GRIN2A: variants seen among roughly 807,000 people sequenced by gnomAD.
GRIN2A encodes glutamate ionotropic receptor NMDA type subunit 2A.
A neutral mutation model predicts 113.4 loss-of-function variants in GRIN2A; 22 were observed. The observed-to-expected ratio is 0.19, with a 90% CI of 0.14 to 0.28. The LOEUF (loss-of-function observed/expected upper bound fraction) is 0.28, where lower values mean the gene tolerates loss of function less well. GRIN2A is among the 10% of genes least tolerant of loss of function. The pLI is 1.00. For synonymous variants in GRIN2A, 827 were observed against 738.4 expected, an observed-to-expected ratio of 1.12 and a Z score of -1.94; for missense variants, 1,502 against 1,887.0, an observed-to-expected ratio of 0.80 and a Z score of 3.78.
chr16:9,951,671 A>C (rs2045185272), intron 2 of GRIN2A, among the ~76,000 whole-genome samples: 1 of 152,204 alleles, frequency 6.6e-6, no homozygotes, highest in African/African-American at 2.4e-5. Flanking sequence ...TTAACAGAAA[A>C]AAATGATGGT....
At chr16:10,000,102 T>C (rs76485778) in intron 2 of GRIN2A, among the ~76,000 whole-genome samples, 5 of 152,282 alleles carry the variant, frequency 3.3e-5, no homozygotes, top group Admixed American at 2.6e-4. Context: ...TCCTGCCTCC[T>C]TTCTTCCCTT....
intron 2 of GRIN2A, among the ~76,000 whole-genome samples, chr16:10,150,175 C>T (rs2049537839): frequency 6.6e-6 from 1 of 152,228 alleles, no homozygotes. Flanking sequence ...AGTTAGGTTG[C>T]AGTTCACTAC....
intron 4 of GRIN2A, among the ~76,000 whole-genome samples, chr16:9,865,036 C>T (rs2043139595): frequency 6.6e-6 from 1 of 152,154 alleles, no homozygotes; most frequent in Non-Finnish European, 1.5e-5. Context: ...TTTTGACAAT[C>T]ATTTTTCTTT....
At chr16:9,772,329 G>C (rs11644075) in intron 11 of GRIN2A, among the ~76,000 whole-genome samples, 1 of 152,034 alleles carries the variant, frequency 6.6e-6, no homozygotes, top group African/African-American at 2.4e-5. Flanking sequence ...CATCCCTTTG[G>C]AAATACAATG....
At chr16:10,130,829 T>TG (rs2049046515) in intron 2 of GRIN2A, among the ~76,000 whole-genome samples, 1 of 152,120 alleles carries the variant, frequency 6.6e-6, no homozygotes, top group Non-Finnish European at 1.5e-5. Context: ...AGTAAACAGC[T>TG]GGGGGAGTAA....
intron 2 of GRIN2A, among the ~76,000 whole-genome samples, chr16:10,126,822 G>A (rs1383635882): frequency 6.6e-6 from 1 of 152,168 alleles, no homozygotes; most frequent in African/African-American, 2.4e-5. Flanking sequence ...CTGCTCACAT[G>A]TCCAAGATGT....
At chr16:9,928,389 C>T (rs1006336262) in intron 3 of GRIN2A, among the ~76,000 whole-genome samples, 2 of 152,308 alleles carry the variant, frequency 1.3e-5, no homozygotes, top group African/African-American at 2.4e-5. Context: ...ATAAGTTAAT[C>T]GGTCGTGAGC....
chr16:9,983,011 T>C (rs561199403), intron 2 of GRIN2A, among the ~76,000 whole-genome samples: 1 of 152,324 alleles, frequency 6.6e-6, no homozygotes, highest in East Asian at 1.9e-4. Context: ...TATATTAATA[T>C]TTATGGGGTA....
At chr16:10,068,113 C>T (rs931862114) in intron 2 of GRIN2A, among the ~76,000 whole-genome samples, 1 of 152,208 alleles carries the variant, frequency 6.6e-6, no homozygotes, top group Admixed American at 6.5e-5. Context: ...TTTATGCTCT[C>T]CTTGTGGTCC....
At chr16:10,086,502 T>C (rs1342120487) in intron 2 of GRIN2A, among the ~76,000 whole-genome samples, 1 of 150,126 alleles carries the variant, frequency 6.7e-6, no homozygotes, top group East Asian at 2.0e-4. Flanking sequence ...CAGACTTAAC[T>C]GCAAGTGAGC....
intron 3 of GRIN2A, among the ~76,000 whole-genome samples, chr16:9,904,618 C>T (rs1321755509): frequency 1.3e-5 from 2 of 152,150 alleles, no homozygotes; most frequent in Non-Finnish European, 2.9e-5. Context: ...AGTGATCTGT[C>T]CACCTCAGCC....
chr16:9,776,278 ATTTTTTTT>A (rs34371083), intron 11 of GRIN2A, among the ~76,000 whole-genome samples: 5 of 129,664 alleles, frequency 3.9e-5, no homozygotes, highest in African/African-American at 8.7e-5. Flanking sequence ...AACATCCTGG[ATTTTTTTT>A]TTTTTTTTTT....
chr16:9,940,725 GA>G (rs2044851775), intron 2 of GRIN2A, among the ~76,000 whole-genome samples: 1 of 151,908 alleles, frequency 6.6e-6, no homozygotes, highest in South Asian at 2.1e-4. Flanking sequence ...AAACCTTCAA[GA>G]TCATCACCTA....
intron 2 of GRIN2A, among the ~76,000 whole-genome samples, chr16:10,036,698 G>A (rs1296765066): frequency 2.0e-5 from 3 of 151,000 alleles, no homozygotes; most frequent in African/African-American, 7.3e-5. Context: ...CGCCCACCTC[G>A]GCCTCCCAAA....
At chr16:9,975,237 T>C (rs926809262) in intron 2 of GRIN2A, among the ~76,000 whole-genome samples, 5 of 152,162 alleles carry the variant, frequency 3.3e-5, no homozygotes, top group Non-Finnish European at 7.3e-5. Context: ...CCCCCAAAGA[T>C]GTCCACACCT....
At chr16:10,131,818 C>A (rs1439643128) in intron 2 of GRIN2A, among the ~76,000 whole-genome samples, 3 of 152,238 alleles carry the variant, frequency 2.0e-5, no homozygotes, top group African/African-American at 7.2e-5. Context: ...CACTAATATC[C>A]CTCTGCCTAG....
chr16:9,934,472 C>A (rs777140709), intron 3 of GRIN2A, among the ~76,000 whole-genome samples: 2 of 151,798 alleles, frequency 1.3e-5, no homozygotes, highest in Non-Finnish European at 2.9e-5. Flanking sequence ...CCTGAGGTCA[C>A]CAGTTTGAGA....
At chr16:9,981,044 G>C (rs1259835843) in intron 2 of GRIN2A, among the ~76,000 whole-genome samples, 1 of 147,300 alleles carries the variant, frequency 6.8e-6, no homozygotes, top group Non-Finnish European at 1.5e-5. Context: ...AAAAAAAAAA[G>C]AGAGAGAGAG....
At chr16:10,001,786 C>A (rs965728566) in intron 2 of GRIN2A, among the ~76,000 whole-genome samples, 1 of 152,126 alleles carries the variant, frequency 6.6e-6, no homozygotes, top group Non-Finnish European at 1.5e-5. Flanking sequence ...GCACGGATAT[C>A]CAACGGGAAA....
Sources: gnomAD v4.1 joint callset for allele counts (sites outside exome capture counted in the v4.1 genomes callset) on GRCh38, gnomAD v4.1.1 for gene constraint, MANE v1.5 for transcripts, NCBI Gene and HGNC (gene_info 2026-07-23, HGNC 2026-07-21) for gene names.